The following HHAT variants were observed in gnomAD, a reference collection of about 807,000 sequenced individuals.
The protein encoded by HHAT is protein-cysteine N-palmitoyltransferase HHAT.
HHAT carries 47 observed loss-of-function variants against 70.8 expected under a neutral mutation model. That is an observed-to-expected ratio of 0.66 (90% CI 0.53 to 0.85). The LOEUF (loss-of-function observed/expected upper bound fraction) is 0.85, where lower values mean the gene tolerates loss of function less well. HHAT is among the 40% of genes least tolerant of loss of function. HHAT has a pLI of 0.00. For synonymous variants in HHAT, 228 were observed against 247.6 expected, an observed-to-expected ratio of 0.92 and a Z score of 0.74; for missense variants, 609 against 604.8, an observed-to-expected ratio of 1.01 and a Z score of -0.07.
intron 1 of HHAT, 24 bp from the exon 2 acceptor site, chr1:210,348,909 T>A (rs1327060440): frequency 1.9e-6 from 3 of 1,593,770 alleles, no homozygotes; most frequent in South Asian, 2.3e-5. Flanking sequence ...GTTCATGGCT[T>A]AAAGTTTTGT....
intron 1 of HHAT, among the ~76,000 whole-genome samples, chr1:210,337,662 C>T (rs959616176): frequency 1.3e-5 from 2 of 152,186 alleles, no homozygotes; most frequent in Admixed American, 1.3e-4. Context: ...CCTTCAGCTT[C>T]CCTCCTGTAA....
chr1:210,444,942 C>T (rs184028949), intron 7 of HHAT, among the ~76,000 whole-genome samples: 159 of 152,266 alleles, frequency 1.0e-3, no homozygotes, highest in African/African-American at 3.4e-3. Flanking sequence ...TGGGTTCAAG[C>T]GATTCTCCTG....
At chr1:210,640,361 CAA>C (rs1013022318) in intron 11 of HHAT, among the ~76,000 whole-genome samples, 2 of 152,046 alleles carry the variant, frequency 1.3e-5, no homozygotes, top group African/African-American at 4.8e-5. Flanking sequence ...TTTTTGGAGA[CAA>C]GAGGGAGTGG....
At chr1:210,552,645 G>A (rs930185407) in intron 9 of HHAT, among the ~76,000 whole-genome samples, 1 of 152,188 alleles carries the variant, frequency 6.6e-6, no homozygotes, top group Non-Finnish European at 1.5e-5. Flanking sequence ...GGAACTGGAT[G>A]TTTATAACCT....
chr1:210,374,250 C>A (rs7554775), intron 3 of HHAT: 3 of 141,522 alleles, frequency 2.1e-5, no homozygotes, highest in African/African-American at 8.1e-5. Context: ...TTTATTCGAT[C>A]TGAAGAGAAA....
At chr1:210,354,115 G>C (rs1015725512) in intron 2 of HHAT, among the ~76,000 whole-genome samples, 6 of 151,238 alleles carry the variant, frequency 4.0e-5, no homozygotes, top group Admixed American at 4.0e-4. Context: ...TCAGCAAGTT[G>C]AGTGCTCTTC....
chr1:210,505,610 C>T (rs1199558636), intron 8 of HHAT, among the ~76,000 whole-genome samples: 1 of 152,090 alleles, frequency 6.6e-6, no homozygotes, highest in Admixed American at 6.6e-5. Context: ...ACTTTATCAC[C>T]CTAGCGATGT....
chr1:210,399,214 C>T (rs1330447744), intron 4 of HHAT, among the ~76,000 whole-genome samples: 1 of 152,122 alleles, frequency 6.6e-6, no homozygotes, highest in Non-Finnish European at 1.5e-5. Context: ...TTGTAGAGTC[C>T]TTCCTGTGTA....
chr1:210,498,002 G>T (rs772231332), intron 8 of HHAT, among the ~76,000 whole-genome samples: 1 of 151,946 alleles, frequency 6.6e-6, no homozygotes, highest in Admixed American at 6.6e-5. Context: ...TGATCCGCCC[G>T]CCTTGGCCTC....
At chr1:210,341,157 C>G (rs2086008280) in intron 1 of HHAT, among the ~76,000 whole-genome samples, 1 of 152,126 alleles carries the variant, frequency 6.6e-6, no homozygotes, top group Non-Finnish European at 1.5e-5. Context: ...GGACATTAAG[C>G]AGTGAGTCAG....
At chr1:210,442,776 G>A (rs1006923410) in intron 7 of HHAT, among the ~76,000 whole-genome samples, 117 of 152,194 alleles carry the variant, frequency 7.7e-4, no homozygotes, top group African/African-American at 2.6e-3. Flanking sequence ...AGTAGGTTGC[G>A]AAAATTTTCT....
chr1:210,627,149 A>C (rs1669976391), intron 11 of HHAT, among the ~76,000 whole-genome samples: 1 of 152,212 alleles, frequency 6.6e-6, no homozygotes, highest in African/African-American at 2.4e-5. Context: ...CACTGACACC[A>C]CATCCCTCTA....
At chr1:210,375,652 A>G (rs140705460) in intron 3 of HHAT, among the ~76,000 whole-genome samples, 1 of 151,808 alleles carries the variant, frequency 6.6e-6, no homozygotes, top group Non-Finnish European at 1.5e-5. Context: ...CTTTTTGCCA[A>G]ATTTGGAGAT....
At chr1:210,418,121 A>G in intron 6 of HHAT, 33 bp from the exon 7 acceptor site, 2 of 1,608,542 alleles carry the variant, frequency 1.2e-6, no homozygotes, top group Non-Finnish European at 1.7e-6. Context: ...GAATCAAGGC[A>G]CCATCGAATG....
At chr1:210,613,516 T>A (rs553129143) in intron 10 of HHAT, among the ~76,000 whole-genome samples, 2 of 152,312 alleles carry the variant, frequency 1.3e-5, no homozygotes, top group East Asian at 3.9e-4. Context: ...CAGTTTTGAT[T>A]ATTGTAGCTT....
intron 6 of HHAT, among the ~76,000 whole-genome samples, chr1:210,408,978 C>T (rs1042789424): frequency 2.6e-5 from 4 of 152,198 alleles, no homozygotes; most frequent in African/African-American, 9.7e-5. Context: ...CCTCCCACCT[C>T]AGCCTCCTGA....
In HHAT at chr1:210,418,294, C is replaced by T. The variant is rs1266969483; in HGVS notation, c.825C>T (p.Pro275=). The change falls in exon 7 of 12, where the codon CCC becomes CCT. Residue 275 remains proline (P), a synonymous_variant. Transcript: ENST00000261458. ...TGCATGCCATCTACAGCAGCATCCC[C>T]CTCCTGGAGACTGTCTCTTGTTGGA... ...MYMHAIYSSI[P]LLETVSCWTL... is the part of the protein sequence containing the mutation. 1.9e-6 allele frequency: 3 copies of T among 1,606,886 alleles called. No individual in the cohort carries two copies. Among genetic ancestry groups the T allele is most frequent in the Admixed American group, 3.4e-5 (2 of 59,176 alleles).
chr1:210,473,526 T>A (rs748048228), intron 8 of HHAT, among the ~76,000 whole-genome samples: 8 of 152,148 alleles, frequency 5.3e-5, no homozygotes, highest in Non-Finnish European at 1.2e-4. Flanking sequence ...CAGTTTAACC[T>A]GAGTCACTGA....
intron 4 of HHAT, among the ~76,000 whole-genome samples, chr1:210,395,248 A>AG (rs1019509896): frequency 2.0e-5 from 3 of 152,192 alleles, no homozygotes; most frequent in Middle Eastern, 3.2e-3. Flanking sequence ...AACTCTAAGG[A>AG]GGGAACCCAC....
Sources: allele counts gnomAD v4.1 joint callset (sites outside exome capture counted in the v4.1 genomes callset), GRCh38; gene constraint gnomAD v4.1.1; transcripts MANE v1.5; gene names NCBI Gene and HGNC (gene_info 2026-07-23, HGNC 2026-07-21).